The following COG5 variants were observed in gnomAD, a reference collection of about 807,000 sequenced individuals.
The protein encoded by COG5 is conserved oligomeric Golgi complex subunit 5.
A neutral mutation model predicts 110.4 loss-of-function variants in COG5; 86 were observed. That is an observed-to-expected ratio of 0.78 (90% CI 0.65 to 0.93). The LOEUF (loss-of-function observed/expected upper bound fraction) is 0.93, where lower values mean the gene tolerates loss of function less well. Ranked by LOEUF, COG5 falls within the 40% of genes least tolerant of loss-of-function variation. The probability of loss-of-function intolerance (pLI) is 0.00; values close to 1 mark genes in which losing one functional copy is unlikely to be tolerated. For synonymous variants in COG5, 360 were observed against 334.6 expected (o/e 1.08, Z -0.83); for missense variants, 1,077 against 987.0 (o/e 1.09, Z -1.22).
At chr7:107,457,004 C>A (rs1795704531) in intron 6 of COG5, among the ~76,000 whole-genome samples, 1 of 152,184 alleles carries the variant, frequency 6.6e-6, no homozygotes, top group Non-Finnish European at 1.5e-5. Context: ...GAACAAAGTA[C>A]AACATTCACT....
intron 12 of COG5, among the ~76,000 whole-genome samples, chr7:107,294,970 T>C (rs1584635136): frequency 7.4e-6 from 1 of 135,068 alleles, no homozygotes; most frequent in Admixed American, 7.5e-5. Flanking sequence ...TACACACATA[T>C]ATATATACAC....
intron 14 of COG5, among the ~76,000 whole-genome samples, chr7:107,272,353 C>A (rs1804347190): frequency 1.3e-5 from 2 of 152,118 alleles, no homozygotes; most frequent in Non-Finnish European, 2.9e-5. Flanking sequence ...TTGAGTTGTC[C>A]CACCTTTCCG....
intron 10 of COG5, among the ~76,000 whole-genome samples, chr7:107,339,706 C>T (rs141199804): frequency 0.015 from 2,238 of 151,868 alleles, 54 homozygotes; most frequent in African/African-American, 0.052. Context: ...GAAATTGATA[C>T]CAAGAAGATC....
At chr7:107,432,169 G>A (rs1220745751) in intron 6 of COG5, among the ~76,000 whole-genome samples, 1 of 152,106 alleles carries the variant, frequency 6.6e-6, no homozygotes, top group East Asian at 1.9e-4. Flanking sequence ...CCTATCTCAT[G>A]TGTTTGAATG....
chr7:107,406,729 C>T (rs1584782438), intron 7 of COG5, among the ~76,000 whole-genome samples: 2 of 152,054 alleles, frequency 1.3e-5, no homozygotes, highest in East Asian at 3.9e-4. Flanking sequence ...GTTTCAAAAA[C>T]GTTGGTACTG....
intron 15 of COG5, among the ~76,000 whole-genome samples, 158 bp downstream of exon 15, chr7:107,258,115 A>G (rs1239873872): frequency 6.6e-6 from 1 of 152,172 alleles, no homozygotes; most frequent in African/African-American, 2.4e-5. Context: ...GCCAGAGTCA[A>G]AGACTGTTTA....
intron 10 of COG5, among the ~76,000 whole-genome samples, chr7:107,342,553 C>T (rs1811258050): frequency 6.6e-6 from 1 of 151,996 alleles, no homozygotes; most frequent in Non-Finnish European, 1.5e-5. Flanking sequence ...TGGTGGGCAC[C>T]TGTGATCTCA....
intron 6 of COG5, among the ~76,000 whole-genome samples, chr7:107,420,409 G>A (rs2129072720): frequency 6.6e-6 from 1 of 152,310 alleles, no homozygotes; most frequent in East Asian, 1.9e-4. Context: ...GGAAGAACAT[G>A]TAGAGATAAT....
intron 5 of COG5, among the ~76,000 whole-genome samples, chr7:107,545,356 G>A (rs1802335128): frequency 6.6e-6 from 1 of 152,094 alleles, no homozygotes; most frequent in Non-Finnish European, 1.5e-5. Flanking sequence ...ATCAAAAACA[G>A]AGAGGATCTT....
chr7:107,536,939 T>C (rs183519330), intron 5 of COG5, among the ~76,000 whole-genome samples: 12 of 151,912 alleles, frequency 7.9e-5, no homozygotes, highest in African/African-American at 2.9e-4. Context: ...AATAGAAATA[T>C]AGATCAATGG....
At chr7:107,546,897 CAAAG>C (rs753380395) in intron 5 of COG5, among the ~76,000 whole-genome samples, 2 of 152,064 alleles carry the variant, frequency 1.3e-5, no homozygotes, top group Non-Finnish European at 2.9e-5. Flanking sequence ...AGTCTCCTAA[CAAAG>C]AAAAGCCCAG....
intron 19 of COG5, among the ~76,000 whole-genome samples, chr7:107,225,064 G>T (rs954005949): frequency 1.3e-5 from 2 of 152,198 alleles, no homozygotes; most frequent in Admixed American, 6.5e-5. Flanking sequence ...GCGTGTGCAT[G>T]TGTGTACATG....
chr7:107,301,461 A>G (rs1383540786), intron 11 of COG5, among the ~76,000 whole-genome samples: 2 of 152,218 alleles, frequency 1.3e-5, no homozygotes, highest in African/African-American at 4.8e-5. Context: ...AGGTATATGA[A>G]TGGCAAACAA....
rs112280945 is a variant in COG5 at position 107,455,211 on chromosome 7, A to T, written c.539-42579T>A. 6.6e-5 allele frequency among the ~76,000 whole-genome samples: 10 copies of T among 152,334 alleles called. 3 individuals are homozygous for T. Among genetic ancestry groups the T allele is most frequent in the African/African-American group, 2.4e-4 (10 of 41,570 alleles). On this transcript the variant is annotated intron_variant, in intron 6 of 21. Coordinates refer to ENST00000297135, the MANE Select transcript of COG5 (RefSeq NM_006348.5). Reference sequence around the variant, plus strand: ...AGTATAGCTGGAAGAGTCAGGGAAGATAATACATAGGAGTGCAAACTAGAA... The same window carrying T: ...AGTATAGCTGGAAGAGTCAGGGAAGTTAATACATAGGAGTGCAAACTAGAA...
chr7:107,499,401 G>A (rs1584898938), intron 6 of COG5, among the ~76,000 whole-genome samples: 1 of 145,974 alleles, frequency 6.9e-6, no homozygotes. Flanking sequence ...AAAGGGAAGA[G>A]GAGTAAATTT....
chr7:107,346,971 T>G (rs548545503), intron 10 of COG5, among the ~76,000 whole-genome samples: 36 of 152,304 alleles, frequency 2.4e-4, no homozygotes, highest in African/African-American at 8.4e-4. Flanking sequence ...AACTTTAAGA[T>G]TGAGAAAGTG....
At chr7:107,527,181 C>CTT in intron 6 of COG5, 56 bp downstream of exon 6, 1 of 1,454,528 alleles carries the variant, frequency 6.9e-7, no homozygotes, top group Non-Finnish European at 9.2e-7. Flanking sequence ...AATCAAGTGA[C>CTT]TTAAAAATAT....
At chr7:107,563,773 C>G in intron 1 of COG5, 30 bp downstream of exon 1, 1 of 1,613,182 alleles carries the variant, frequency 6.2e-7, no homozygotes, top group Non-Finnish European at 8.5e-7. Context: ...ACCCCCAACC[C>G]CACGACCTGG....
intron 5 of COG5, among the ~76,000 whole-genome samples, chr7:107,532,512 T>C (rs1260727422): frequency 1.3e-5 from 2 of 152,166 alleles, no homozygotes; most frequent in East Asian, 3.8e-4. Flanking sequence ...CAGATTAACA[T>C]ACATATACAT....
Sources: gnomAD v4.1 joint callset for allele counts (sites outside exome capture counted in the v4.1 genomes callset) on GRCh38, gnomAD v4.1.1 for gene constraint, MANE v1.5 for transcripts, NCBI Gene and HGNC (gene_info 2026-07-23, HGNC 2026-07-21) for gene names.